TOP1: variants seen among roughly 807,000 people sequenced by gnomAD.
TOP1 encodes DNA topoisomerase 1.
TOP1 carries 10 observed loss-of-function variants against 111.1 expected under a neutral mutation model. The observed-to-expected ratio is 0.09, with a 90% CI of 0.06 to 0.15. TOP1 has a LOEUF of 0.15. TOP1 is among the 10% of genes least tolerant of loss of function. The pLI is 1.00. For missense variants in TOP1, 474 were observed against 926.7 expected (o/e 0.51, Z 6.34); for synonymous variants, 271 against 302.9 (o/e 0.89, Z 1.10).
At chr20:41,033,632 T>C (rs114706287) in intron 2 of TOP1, among the ~76,000 whole-genome samples, 1 of 152,334 alleles carries the variant, frequency 6.6e-6, no homozygotes, top group African/African-American at 2.4e-5. Context: ...GCTAATGGTA[T>C]GGAAAATGAT....
At position 41,034,141 on chromosome 20, in the gene TOP1, C is replaced by G. The variant is rs2033155180; in HGVS notation, c.58+4686C>G. 6.6e-6 allele frequency among the ~76,000 whole-genome samples: 1 copy of G among 152,214 alleles called. No homozygotes were observed. Among genetic ancestry groups the G allele is most frequent in the South Asian group, 2.1e-4 (1 of 4,832 alleles). ...TGGATAATAAGGGCATTTAGGCAAACAGTTGACACATGGATTTCTTAAGGT... is the reference window on the plus strand; with the variant it reads ...TGGATAATAAGGGCATTTAGGCAAAGAGTTGACACATGGATTTCTTAAGGT... On this transcript the variant is annotated intron_variant, in intron 2 of 20. Coordinates refer to ENST00000361337, the MANE Select transcript of TOP1 (RefSeq NM_003286.4). This position sits in a 1 kb window ranked among gnomAD's most constrained non-coding sequence, Gnocchi z 4.0.
At position 41,087,445 on chromosome 20, in the gene TOP1, G is replaced by A. The variant is rs114449779; in HGVS notation, c.614+2877G>A. Among the ~76,000 whole-genome samples the A allele has an allele frequency of 3.8e-3, 576 of 152,342 alleles. 5 individuals carry two copies. The highest frequency in any genetic ancestry group is 0.013 in the African/African-American group (552 of 41,564). On this transcript the variant is annotated intron_variant, in intron 8 of 20. Coordinates refer to ENST00000361337, the MANE Select transcript of TOP1 (RefSeq NM_003286.4). ...GATTCTTCATAAAGAATTACCTGGCGAGTTTATTGCAGGTGTTAGGTGTGA... is the reference window on the plus strand; with the variant it reads ...GATTCTTCATAAAGAATTACCTGGCAAGTTTATTGCAGGTGTTAGGTGTGA...
chr20:41,046,347 T>C lies in TOP1; in HGVS notation c.59-15047T>C, dbSNP rs2033334115. Among the ~76,000 whole-genome samples, 1 of 152,188 alleles carries C rather than the reference T, an allele frequency of 6.6e-6. No homozygotes were observed. Among genetic ancestry groups the C allele is most frequent in the African/African-American group, 2.4e-5 (1 of 41,434 alleles). On this transcript the variant is annotated intron_variant, in intron 2 of 20. Coordinates refer to ENST00000361337, the MANE Select transcript of TOP1 (RefSeq NM_003286.4). This position sits in a 1 kb window ranked among gnomAD's most constrained non-coding sequence, Gnocchi z 4.3. ...TAACTAAGCCACAGAGCAGGGAGGC[T>C]AATCTAGGCCTACCTCATGCCACAG... is the stretch of plus-strand genomic sequence containing the variant.
chr20:41,107,822 CCTT>C lies in TOP1; in HGVS notation c.1309-4957_1309-4955del, dbSNP rs374240861. Among the ~76,000 whole-genome samples, 921 of 152,238 alleles carry C rather than the reference CCTT, an allele frequency of 6.0e-3. 7 individuals are homozygous for C. Among genetic ancestry groups the C allele is most frequent in the South Asian group, 0.018 (89 of 4,818 alleles). ...TGTTCTCTTTTCTTTCCCTTCTTCT[CCTT>C]CTCTGTTCATTACTTTTTGTCTTGG... is the stretch of plus-strand genomic sequence containing the variant. On this transcript the variant is annotated intron_variant, in intron 13 of 20. Coordinates refer to ENST00000361337, the MANE Select transcript of TOP1 (RefSeq NM_003286.4).
intron 8 of TOP1, among the ~76,000 whole-genome samples, chr20:41,088,629 C>T (rs1165079547): frequency 2.6e-5 from 4 of 152,090 alleles, no homozygotes; most frequent in Non-Finnish European, 5.9e-5. Flanking sequence ...CAGACAGGCT[C>T]CTTGCAGATG....
intron 9 of TOP1, among the ~76,000 whole-genome samples, chr20:41,096,273 G>A (rs1219882280): frequency 6.6e-6 from 1 of 152,152 alleles, no homozygotes; most frequent in African/African-American, 2.4e-5. Context: ...TCGCCATGTT[G>A]GCCAGGCTGA....
chr20:41,117,869 C>T (rs1221409567), intron 17 of TOP1, among the ~76,000 whole-genome samples: 1 of 152,014 alleles, frequency 6.6e-6, no homozygotes, highest in Non-Finnish European at 1.5e-5. Flanking sequence ...TGAAGGGTCC[C>T]TAGCCAAGTT....
At chr20:41,059,340 A>G (rs2033514334) in intron 2 of TOP1, among the ~76,000 whole-genome samples, 1 of 151,908 alleles carries the variant, frequency 6.6e-6, no homozygotes, top group Non-Finnish European at 1.5e-5. Flanking sequence ...AAATGGTGTT[A>G]GAACAACTTG....
chr20:41,104,282 C>A (rs2034110933), intron 13 of TOP1, among the ~76,000 whole-genome samples: 1 of 152,170 alleles, frequency 6.6e-6, no homozygotes, highest in South Asian at 2.1e-4. Flanking sequence ...CATAATTGAT[C>A]ATTCTGACTG....
At chr20:41,074,231 A>G (rs139027568) in intron 3 of TOP1, among the ~76,000 whole-genome samples, 171 of 152,338 alleles carry the variant, frequency 1.1e-3, no homozygotes, top group African/African-American at 4.0e-3. Flanking sequence ...TTTTAAATAA[A>G]ACATTGCATT....
intron 2 of TOP1, among the ~76,000 whole-genome samples, chr20:41,043,299 T>C (rs2033291048): frequency 6.6e-6 from 1 of 152,244 alleles, no homozygotes; most frequent in Non-Finnish European, 1.5e-5. Context: ...TTCAACCTCT[T>C]AAGCAGTATT....
rs2033625715 is a variant in TOP1 at position 41,067,822 on chromosome 20, C to G, written c.155+6332C>G. On this transcript the variant is annotated intron_variant, in intron 3 of 20. Transcript: ENST00000361337. This position sits in a 1 kb window ranked among gnomAD's most constrained non-coding sequence, Gnocchi z 4.0. ...GGAGAGTAGCCATTATGTGCAGAAACAAAATGGGGCTATGGATCCACATCC... is the reference window on the plus strand; with the variant it reads ...GGAGAGTAGCCATTATGTGCAGAAAGAAAATGGGGCTATGGATCCACATCC... Among the ~76,000 whole-genome samples the G allele has an allele frequency of 6.6e-6, 1 of 152,202 alleles. No individual in the cohort carries two copies. Among genetic ancestry groups the G allele is most frequent in the Admixed American group, 6.5e-5 (1 of 15,284 alleles).
chr20:41,099,987 A>C, intron 11 of TOP1, 69 bp from the exon 12 acceptor site: 2 of 1,095,492 alleles, frequency 1.8e-6, no homozygotes, highest in Non-Finnish European at 2.6e-6. Flanking sequence ...GTCTCCCACA[A>C]GAGATAAAAT....
At chr20:41,104,853 C>T (rs1201429359) in intron 13 of TOP1, among the ~76,000 whole-genome samples, 1 of 152,082 alleles carries the variant, frequency 6.6e-6, no homozygotes, top group African/African-American at 2.4e-5. Context: ...TTTGATAGTG[C>T]CTTGAATAAT....
Position 41,029,351 on chromosome 20 carries a change from C to G in TOP1, c.34-80C>G, listed in dbSNP as rs886117753. The G allele has an allele frequency of 8.9e-6, 12 of 1,342,170 alleles. No individual in the cohort carries two copies. In the Middle Eastern group the frequency reaches 6.1e-4, roughly 68 times the overall value. The allele number at this position is 1,342,170 out of a possible 1,614,324, so 83.1% of individuals were successfully genotyped here. ...GTCCTCCCCGGGGGCGCAGGGTGAGCCAGACCCCGGCCGCGCGCGCTCGCC... is the reference window on the plus strand; with the variant it reads ...GTCCTCCCCGGGGGCGCAGGGTGAGGCAGACCCCGGCCGCGCGCGCTCGCC... On this transcript the variant is annotated intron_variant, in intron 1 of 20. Coordinates refer to ENST00000361337, the MANE Select transcript of TOP1 (RefSeq NM_003286.4). This position sits in a 1 kb window ranked among gnomAD's most constrained non-coding sequence, Gnocchi z 6.1.
In TOP1 at chr20:41,092,411, G is replaced by T; in HGVS notation, c.615-61G>T. The T allele has an allele frequency of 1.2e-6, 1 of 800,504 alleles. No homozygotes were observed. The highest frequency in any genetic ancestry group is 2.0e-6 in the Non-Finnish European group (1 of 495,834). The allele number at this position is 800,504 out of a possible 1,614,324, so 49.6% of individuals were successfully genotyped here. A position where few individuals can be genotyped will look rare whatever the true frequency, so the allele number is the denominator to read the frequency against. On this transcript the variant is annotated intron_variant, in intron 8 of 20. Transcript: ENST00000361337. The surrounding 1 kb of genome is among the most constrained non-coding windows in gnomAD (Gnocchi z 4.3). ...CGGATAATTATTTGGCATTTAATCA[G>T]TGATGATCCCCATGTTAGACAAGGC... is the stretch of plus-strand genomic sequence containing the variant.
chr20:41,079,607 C>T lies in TOP1; in HGVS notation c.336-478C>T, dbSNP rs1266884047. On this transcript the variant is annotated intron_variant, in intron 5 of 20. Coordinates refer to ENST00000361337, the MANE Select transcript of TOP1 (RefSeq NM_003286.4). The surrounding 1 kb of genome is among the most constrained non-coding windows in gnomAD (Gnocchi z 4.0). ...TTCCATGTAGCTAGATATACATGTA[C>T]GTTATTGCCACATTTTTAGAACTTT... is the stretch of plus-strand genomic sequence containing the variant. Among the ~76,000 whole-genome samples, 3 of 152,158 alleles carry T rather than the reference C, an allele frequency of 2.0e-5. No homozygotes were observed. Among genetic ancestry groups the T allele is most frequent in the Non-Finnish European group, 4.4e-5 (3 of 68,014 alleles).
chr20:41,121,033 C>T lies in TOP1; in HGVS notation c.1951-663C>T, dbSNP rs1600607291. ...CTGGGATTACAGGCGTGAGACACCGCGCCTGGTGACCGCTCTCCTTTTAAA... is the reference window on the plus strand; with the variant it reads ...CTGGGATTACAGGCGTGAGACACCGTGCCTGGTGACCGCTCTCCTTTTAAA... On this transcript the variant is annotated intron_variant, in intron 18 of 20. Transcript: ENST00000361337. The surrounding 1 kb of genome is among the most constrained non-coding windows in gnomAD (Gnocchi z 4.2). Among the ~76,000 whole-genome samples, 1 of 152,198 alleles carries T rather than the reference C, an allele frequency of 6.6e-6. No homozygotes were observed. Among genetic ancestry groups the T allele is most frequent in the African/African-American group, 2.4e-5 (1 of 41,446 alleles).
intron 13 of TOP1, among the ~76,000 whole-genome samples, chr20:41,105,296 A>T (rs936786367): frequency 3.3e-5 from 5 of 152,208 alleles, no homozygotes; most frequent in African/African-American, 1.2e-4. Flanking sequence ...TAAGCTAAAG[A>T]CATATTGTAC....
Sources: gnomAD v4.1 joint callset for allele counts (sites outside exome capture counted in the v4.1 genomes callset) on GRCh38, gnomAD v4.1.1 for gene constraint, Gnocchi (gnomAD v3.1) non-coding constraint, MANE v1.5 for transcripts, NCBI Gene and HGNC (gene_info 2026-07-23, HGNC 2026-07-21) for gene names.